The following CDH19 variants were observed in gnomAD, a reference collection of about 807,000 sequenced individuals.
CDH19 encodes the protein cadherin 19, also known as cadherin-19.
Under a neutral mutation model 64.2 loss-of-function variants are expected in CDH19, and 67 were observed. That is an observed-to-expected ratio of 1.04 (90% CI 0.86 to 1.28). The LOEUF (loss-of-function observed/expected upper bound fraction) is 1.28, where lower values mean the gene tolerates loss of function less well. Among genes scored for constraint, CDH19 ranks in the 50% most tolerant of loss-of-function variants. The probability of loss-of-function intolerance (pLI) is 0.00; values close to 1 mark genes in which losing one functional copy is unlikely to be tolerated. For missense variants in CDH19, 1,030 were observed against 929.0 expected, an observed-to-expected ratio of 1.11 and a Z score of -1.41; for synonymous variants, 346 against 319.3, an observed-to-expected ratio of 1.08 and a Z score of -0.89.
At chr18:66,554,621 T>TA (rs1337935204) in intron 3 of CDH19, 97 bp from the exon 4 acceptor site, 1 of 965,436 alleles carries the variant, frequency 1.0e-6, no homozygotes, top group Non-Finnish European at 1.5e-6. Flanking sequence ...AAGATGTTGT[T>TA]ACAAAATGAA....
rs551599975 is a variant in CDH19 at position 66,562,228 on chromosome 18, T to C, written c.490+6188A>G. Among the ~76,000 whole-genome samples the C allele has an allele frequency of 1.2e-4, 18 of 151,804 alleles. No individual in the cohort carries two copies. The East Asian group carries it at 3.1e-3, about 26-fold the overall frequency. ...TACTACATTGTAATATATAATAAAA[T>C]AACTACACAACTCACCATAATGAGG... is the stretch of plus-strand genomic sequence containing the variant. On this transcript the variant is annotated intron_variant, in intron 3 of 11. Transcript: ENST00000262150.
chr18:66,580,406 TAA>T (rs1282571044), intron 1 of CDH19, among the ~76,000 whole-genome samples: 3 of 152,090 alleles, frequency 2.0e-5, no homozygotes, highest in African/African-American at 7.2e-5. Flanking sequence ...AATAATTATA[TAA>T]GTGTTTCACA....
chr18:66,507,347 A>G (rs1282034945), intron 11 of CDH19, among the ~76,000 whole-genome samples: 1 of 151,982 alleles, frequency 6.6e-6, no homozygotes, highest in African/African-American at 2.4e-5. Context: ...AAGACAAGGC[A>G]GGTCCTGAAA....
chr18:66,579,319 T>C (rs955806482), intron 1 of CDH19, among the ~76,000 whole-genome samples: 5 of 152,104 alleles, frequency 3.3e-5, no homozygotes, highest in Middle Eastern at 3.4e-3. Flanking sequence ...ATTTTCAAGT[T>C]ATGGGAAATT....
chr18:66,571,080 ATG>A (rs148455493), intron 2 of CDH19, among the ~76,000 whole-genome samples: 35 of 150,640 alleles, frequency 2.3e-4, no homozygotes, highest in African/African-American at 6.5e-4. Flanking sequence ...ATTTCTTGTA[ATG>A]TGTGTGTGTG....
chr18:66,541,016 A>G (rs1986866341), intron 7 of CDH19, among the ~76,000 whole-genome samples: 1 of 152,160 alleles, frequency 6.6e-6, no homozygotes, highest in South Asian at 2.1e-4. Flanking sequence ...TAAATATTAA[A>G]TTTTTCCATT....
At position 66,552,710 on chromosome 18, in the gene CDH19, C is replaced by T. The variant is rs372711745; in HGVS notation, c.611-1452G>A. 5.2e-5 allele frequency among the ~76,000 whole-genome samples: 7 copies of T among 134,492 alleles called. 3 individuals carry two copies. Among genetic ancestry groups the T allele is most frequent in the African/African-American group, 2.1e-4 (6 of 29,180 alleles). The allele number at this position is 134,492 out of a possible 152,430, so 88.2% of individuals were successfully genotyped here. A position where few individuals can be genotyped will look rare whatever the true frequency, so the allele number is the denominator to read the frequency against. On this transcript the variant is annotated intron_variant, in intron 4 of 11. Coordinates refer to ENST00000262150, the MANE Select transcript of CDH19 (RefSeq NM_021153.4). ...TTTCAGTAATTTAATCCATGTTTGT[C>T]GTTGTCCATACCAACGCTTCTCCAG...
At chr18:66,573,662 A>G (rs1380495531) in intron 1 of CDH19, among the ~76,000 whole-genome samples, 1 of 151,580 alleles carries the variant, frequency 6.6e-6, no homozygotes, top group Admixed American at 6.6e-5. Flanking sequence ...ATTATTACCA[A>G]CACTGATATG....
intron 1 of CDH19, among the ~76,000 whole-genome samples, chr18:66,582,963 T>C (rs2144607318): frequency 6.6e-6 from 1 of 152,248 alleles, no homozygotes; most frequent in Non-Finnish European, 1.5e-5. Context: ...TAAATGCTGG[T>C]GAAATTTCAT....
In CDH19 at chr18:66,554,441, G is replaced by C; in HGVS notation, c.574C>G (p.Gln192Glu). The C allele has an allele frequency of 6.2e-7, 1 of 1,612,040 alleles. No individual in the cohort carries two copies. The highest frequency in any genetic ancestry group is 8.5e-7 in the Non-Finnish European group (1 of 1,178,636). ...NNARLLYSLL[Q>E]GQPYFSVEPT... Reference sequence around the variant, plus strand: ...TCAACAGAAAAATATGGCTGGCCTTGAAGTAAGCTGTAGAGGAGACGAGCA... The same window carrying C: ...TCAACAGAAAAATATGGCTGGCCTTCAAGTAAGCTGTAGAGGAGACGAGCA... The change falls in exon 4 of 12, where the codon CAA becomes GAA. Residue 192 changes from glutamine (Q) to glutamate (E), a missense_variant. Coordinates refer to ENST00000262150, the MANE Select transcript of CDH19 (RefSeq NM_021153.4).
intron 1 of CDH19, among the ~76,000 whole-genome samples, chr18:66,583,162 T>G (rs1988474862): frequency 6.6e-6 from 1 of 152,022 alleles, no homozygotes; most frequent in Non-Finnish European, 1.5e-5. Flanking sequence ...ATTATTGTAC[T>G]TTTTTATGAG....
intron 1 of CDH19, among the ~76,000 whole-genome samples, chr18:66,586,386 TG>T (rs1988578851): frequency 6.6e-6 from 1 of 152,020 alleles, no homozygotes; most frequent in Admixed American, 6.6e-5. Flanking sequence ...CCTCTCCTCT[TG>T]GGAAGTGAAC....
At chr18:66,549,572 C>T (rs1425510562) in intron 5 of CDH19, among the ~76,000 whole-genome samples, 2 of 151,964 alleles carry the variant, frequency 1.3e-5, no homozygotes, top group African/African-American at 2.4e-5. Flanking sequence ...AGACTCTGAC[C>T]CCTTTGCCTA....
chr18:66,588,789 A>G (rs1599039183), intron 1 of CDH19, among the ~76,000 whole-genome samples: 1 of 151,672 alleles, frequency 6.6e-6, no homozygotes, highest in Non-Finnish European at 1.5e-5. Flanking sequence ...GTTTTATTAC[A>G]CAGTGTTTCA....
At chr18:66,516,584 T>C (rs951942236) in intron 9 of CDH19, among the ~76,000 whole-genome samples, 1 of 152,030 alleles carries the variant, frequency 6.6e-6, no homozygotes, top group Non-Finnish European at 1.5e-5. Context: ...GAGGGCTATA[T>C]ATTCTCCTCG....
chr18:66,535,765 A>G (rs1030881959), intron 7 of CDH19, among the ~76,000 whole-genome samples: 1 of 147,024 alleles, frequency 6.8e-6, no homozygotes, highest in Non-Finnish European at 1.5e-5. Context: ...TATAGAAAAT[A>G]TGTAATACAT....
chr18:66,535,010 G>A lies in CDH19; in HGVS notation c.1312C>T (p.Leu438=), dbSNP rs754053624. The A allele has an allele frequency of 1.3e-6, 2 of 1,493,382 alleles. No individual in the cohort carries two copies. Among genetic ancestry groups the A allele is most frequent in the East Asian group, 2.4e-5 (1 of 41,352 alleles). The allele number at this position is 1,493,382 out of a possible 1,614,324, so 92.5% of individuals were successfully genotyped here. A position where few individuals can be genotyped will look rare whatever the true frequency, so the allele number is the denominator to read the frequency against. The change falls in exon 8 of 12, where the codon CTA becomes TTA. Residue 438 remains leucine, a synonymous_variant. Transcript: ENST00000262150. The stretch of plus-strand genomic sequence containing the variant: ...CATTTTTCTGTGGCTGTAATACTTA[G>A]GTTGTACCAAGCACTGATTTCACGA... ...LDREISAWYN[L]SITATEKYNI... is the part of the protein sequence containing the mutation.
chr18:66,523,145 C>T (rs1382675100), intron 9 of CDH19, among the ~76,000 whole-genome samples: 2 of 152,104 alleles, frequency 1.3e-5, no homozygotes, highest in Admixed American at 6.6e-5. Flanking sequence ...CAATTCCTCA[C>T]TAACAGATCA....
At chr18:66,577,784 A>C (rs554135598) in intron 1 of CDH19, among the ~76,000 whole-genome samples, 1 of 152,054 alleles carries the variant, frequency 6.6e-6, no homozygotes, top group South Asian at 2.1e-4. Flanking sequence ...GAGATGTTTA[A>C]AATGAATTTC....
Sources: gnomAD v4.1 joint callset for allele counts (sites outside exome capture counted in the v4.1 genomes callset) on GRCh38, gnomAD v4.1.1 for gene constraint, MANE v1.5 for transcripts, NCBI Gene and HGNC (gene_info 2026-07-23, HGNC 2026-07-21) for gene names.